The following ATF6 variants were observed in gnomAD, a reference collection of about 807,000 sequenced individuals.
ATF6 encodes the protein cyclic AMP-dependent transcription factor ATF-6 alpha.
ATF6 carries 53 observed loss-of-function variants against 83.6 expected under a neutral mutation model. The ratio of observed to expected loss-of-function variants is 0.63; its 90% CI spans 0.51 to 0.80. ATF6 has a LOEUF of 0.80. ATF6 is among the 30% of genes least tolerant of loss of function. The pLI, the probability that ATF6 is intolerant of heterozygous loss-of-function variation, is 0.00. For missense variants in ATF6, 744 were observed against 797.9 expected, an observed-to-expected ratio of 0.93 and a Z score of 0.81; for synonymous variants, 288 against 285.8, an observed-to-expected ratio of 1.01 and a Z score of -0.08.
At chr1:161,791,178 T>G (rs1684871650) in intron 4 of ATF6, among the ~76,000 whole-genome samples, 2 of 151,834 alleles carry the variant, frequency 1.3e-5, no homozygotes, top group East Asian at 3.9e-4. Context: ...ATTCATATCT[T>G]TAACAGGATG....
chr1:161,876,995 T>C (rs1571208235), intron 14 of ATF6, among the ~76,000 whole-genome samples: 1 of 152,070 alleles, frequency 6.6e-6, no homozygotes. Context: ...AAAAATAATA[T>C]TATAAAACAA....
intron 7 of ATF6, among the ~76,000 whole-genome samples, chr1:161,813,523 TATACTC>T (rs2101773420): frequency 6.6e-6 from 1 of 152,336 alleles, no homozygotes; most frequent in African/African-American, 2.4e-5. Context: ...CTTTCTCTCT[TATACTC>T]AATCTCATGA....
intron 2 of ATF6, among the ~76,000 whole-genome samples, chr1:161,779,318 G>A (rs552703634): frequency 6.6e-6 from 1 of 152,294 alleles, no homozygotes; most frequent in South Asian, 2.1e-4. Context: ...CAATTGGAAA[G>A]ATTAAGGGAA....
chr1:161,917,302 G>A (rs1173287969), intron 15 of ATF6, among the ~76,000 whole-genome samples: 2 of 152,156 alleles, frequency 1.3e-5, no homozygotes, highest in Non-Finnish European at 2.9e-5. Flanking sequence ...TCAGATTGTG[G>A]AATATTTGCA....
At chr1:161,829,525 C>G (rs1440237703) in intron 9 of ATF6, among the ~76,000 whole-genome samples, 1 of 152,100 alleles carries the variant, frequency 6.6e-6, no homozygotes, top group Admixed American at 6.6e-5. Flanking sequence ...AGACCAATAT[C>G]CCTGATGAAC....
In ATF6 at chr1:161,851,744, G is replaced by A. The variant is rs1686636749; in HGVS notation, c.1342G>A (p.Asp448Asn). 6.2e-7 allele frequency: 1 copy of A among 1,613,538 alleles called. No homozygotes were observed. Among genetic ancestry groups the A allele is most frequent in the Non-Finnish European group, 8.5e-7 (1 of 1,179,672 alleles). ...CAGATATGATCATTCTGTTTCAAAT[G>A]ACAAAGCCCTGATGGTGCTAACTGA... The part of the protein sequence containing the change: ...SYRYDHSVSN[D>N]KALMVLTEEP... Residue 448 changes from aspartate (D) to asparagine (N), a missense_variant, in exon 11 of 16, where the codon GAC (aspartate) becomes AAC (asparagine). Transcript: ENST00000367942.
intron 14 of ATF6, among the ~76,000 whole-genome samples, chr1:161,864,547 A>C (rs1000389842): frequency 1.3e-5 from 2 of 152,226 alleles, no homozygotes; most frequent in African/African-American, 2.4e-5. Context: ...CTAGCAGCTC[A>C]GGTTTTTAGG....
chr1:161,782,024 A>G (rs764023093), intron 3 of ATF6, 25 bp downstream of exon 3: 2 of 1,477,944 alleles, frequency 1.4e-6, no homozygotes, highest in Admixed American at 4.0e-5. Flanking sequence ...CACTGGTAAA[A>G]GTTTTAAAAA....
At chr1:161,820,989 G>T in intron 8 of ATF6, 81 bp from the exon 9 acceptor site, 1 of 871,230 alleles carries the variant, frequency 1.1e-6, no homozygotes. Flanking sequence ...AACCGGTAAA[G>T]AGGAAAATTC....
At chr1:161,945,729 C>A (rs181953518) in intron 15 of ATF6, among the ~76,000 whole-genome samples, 17 of 152,220 alleles carry the variant, frequency 1.1e-4, no homozygotes, top group Admixed American at 6.5e-5. Context: ...TATTTTTCTT[C>A]CATATGTATT....
intron 14 of ATF6, among the ~76,000 whole-genome samples, chr1:161,898,422 C>T (rs977089619): frequency 1.3e-5 from 2 of 152,110 alleles, no homozygotes; most frequent in Admixed American, 6.6e-5. Flanking sequence ...TACCTATAGG[C>T]AGTTAGGCTT....
Position 161,821,157 on chromosome 1 carries a change from A to G in ATF6, c.1183A>G (p.Met395Val), listed in dbSNP as rs371712436. Residue 395 changes from methionine to valine, a missense_variant, in exon 9 of 16, where the codon ATG becomes GTG. Met to Val is a conservative substitution (Grantham distance 21). Transcript: ENST00000367942. ...ATTTATAATACTGAACTATGGACCT[A>G]TGAGGTAAGTGAATAGATATTTATT... ...LAFIILNYGP[M>V]SMLEQDSRRM... is the part of the protein sequence containing the mutation. The G allele has an allele frequency of 5.6e-6, 9 of 1,594,980 alleles. No homozygotes were observed. The highest frequency in any genetic ancestry group is 2.7e-5 in the African/African-American group (2 of 74,168).
In ATF6 at chr1:161,851,630, A is replaced by C. The variant is rs1686633950; in HGVS notation, c.1320-92A>C. ...TTCTGTTTACTATATTTTTGTTTCC[A>C]TGAAAAGTTAACACTAATGATGATT... is the stretch of plus-strand genomic sequence containing the variant. On this transcript the variant is annotated intron_variant, in intron 10 of 15. Transcript: ENST00000367942. 3.8e-6 allele frequency: 3 copies of C among 787,958 alleles called. No homozygotes were observed. In the South Asian group the frequency reaches 5.3e-5, roughly 14 times the overall value. The allele number at this position is 787,958 out of a possible 1,614,324, so 48.8% of individuals were successfully genotyped here.
chr1:161,783,932 C>G, intron 3 of ATF6, 58 bp from the exon 4 acceptor site: 1 of 1,216,752 alleles, frequency 8.2e-7, no homozygotes. Flanking sequence ...CTTTCTTGTT[C>G]ATTTTATTAT....
At chr1:161,875,311 CTT>C (rs1687191220) in intron 14 of ATF6, among the ~76,000 whole-genome samples, 1 of 151,754 alleles carries the variant, frequency 6.6e-6, no homozygotes, top group South Asian at 2.1e-4. Context: ...AATCTGTGAA[CTT>C]TTAGTACTCT....
chr1:161,784,016 C>G lies in ATF6; in HGVS notation c.274C>G (p.Pro92Ala). ...TVKDIKAEPQ[P>A]LSPASSSYSV... Reference sequence around the variant, plus strand: ...TAAAGATATTAAGGCAGAACCTCAGCCACTTTCTCCAGCCTCCTCAAGTTA... The same window carrying G: ...TAAAGATATTAAGGCAGAACCTCAGGCACTTTCTCCAGCCTCCTCAAGTTA... The change falls in exon 4 of 16, where the codon CCA (proline) becomes GCA (alanine). Residue 92 changes from proline to alanine, a missense_variant. Physicochemically the swap from Pro to Ala is conservative, Grantham distance 27 (BLOSUM62 -1). Transcript: ENST00000367942. The G allele has an allele frequency of 6.2e-7, 1 of 1,613,516 alleles. No homozygotes were observed. The highest frequency in any genetic ancestry group is 8.5e-7 in the Non-Finnish European group (1 of 1,179,524).
At chr1:161,834,509 G>A (rs1686161719) in intron 9 of ATF6, among the ~76,000 whole-genome samples, 1 of 151,512 alleles carries the variant, frequency 6.6e-6, no homozygotes, top group African/African-American at 2.4e-5. Context: ...ATCATTCTCA[G>A]CAAACTATTG....
intron 9 of ATF6, among the ~76,000 whole-genome samples, chr1:161,821,589 A>G (rs1685764542): frequency 1.3e-5 from 2 of 152,248 alleles, no homozygotes; most frequent in South Asian, 4.1e-4. Context: ...CAGCATGTTT[A>G]AAGGCACAGT....
rs2101826111 is a variant in ATF6 at position 161,851,720 on chromosome 1, A to C, written c.1320-2A>C. ...AACAAATTTTGTGCATCCATGTTTC[A>C]GATATGATCATTCTGTTTCAAATGA... On this transcript the variant is annotated splice_acceptor_variant, in intron 10 of 15. Transcript: ENST00000367942. LOFTEE classifies it high-confidence loss of function. The C allele has an allele frequency of 6.2e-7, 1 of 1,606,844 alleles. No homozygotes were observed. The highest frequency in any genetic ancestry group is 8.5e-7 in the Non-Finnish European group (1 of 1,174,950).
Sources: allele counts gnomAD v4.1 joint callset (sites outside exome capture counted in the v4.1 genomes callset), GRCh38; gene constraint gnomAD v4.1.1; transcripts MANE v1.5; gene names NCBI Gene and HGNC (gene_info 2026-07-23, HGNC 2026-07-21).